MTAP: variants seen among roughly 807,000 people sequenced by gnomAD.
MTAP encodes the protein S-methyl-5'-thioadenosine phosphorylase.
Under a neutral mutation model 33.6 loss-of-function variants are expected in MTAP, and 33 were observed. That is an observed-to-expected ratio of 0.98 (90% CI 0.74 to 1.31). MTAP has a LOEUF of 1.31. MTAP is among the 40% of genes most tolerant of loss of function. MTAP has a pLI of 0.00. For missense variants in MTAP, 367 were observed against 360.0 expected (o/e 1.02, Z -0.16); for synonymous variants, 148 against 125.7 (o/e 1.18, Z -1.19).
chr9:21,898,857 A>T (rs1000007383), intron 1 of MTAP, among the ~76,000 whole-genome samples: 2 of 152,184 alleles, frequency 1.3e-5, no homozygotes, highest in Non-Finnish European at 2.9e-5. Flanking sequence ...TAGAAATACC[A>T]TCTGACCCAG....
chr9:21,861,730 A>G (rs1477626200), intron 7 of MTAP: 4 of 534,518 alleles, frequency 7.5e-6, no homozygotes, highest in South Asian at 2.3e-5. Flanking sequence ...TATCAGAACA[A>G]TGCTCTGAGA....
At position 21,858,424 on chromosome 9, in the gene MTAP, A is replaced by G. The variant is rs111380854; in HGVS notation, c.691-879A>G. On this transcript the variant is annotated intron_variant, in intron 6 of 7. Transcript: ENST00000644715. ...GGTTCTACAGGCTGTACGGGACGTG[A>G]TGCTGGCATCTGCTCAGCTTCTGGG... Among the ~76,000 whole-genome samples, 593 of 152,344 alleles carry G rather than the reference A, an allele frequency of 3.9e-3. 8 individuals are homozygous for G. The highest frequency in any genetic ancestry group is 0.013 in the African/African-American group (543 of 41,560).
chr9:21,895,725 CTG>C (rs1818280995), intron 1 of MTAP, among the ~76,000 whole-genome samples: 1 of 152,212 alleles, frequency 6.6e-6, no homozygotes, highest in Non-Finnish European at 1.5e-5. Flanking sequence ...GCACGGCAGT[CTG>C]AGATGGAACT....
intron 4 of MTAP, among the ~76,000 whole-genome samples, chr9:21,824,089 A>G (rs1031610566): frequency 6.6e-6 from 1 of 152,110 alleles, no homozygotes; most frequent in South Asian, 2.1e-4. Flanking sequence ...GATTGTCTGA[A>G]GCCTTCTCTC....
Position 21,914,996 on chromosome 9 carries a change from T to C in MTAP, c.148-16012T>C, listed in dbSNP as rs992782204. On this transcript the variant is annotated intron_variant, in intron 1 of 1. Transcript: ENST00000577563. ...AGTGTAGCACATATCAATACTTTGT[T>C]TTCTTTCCTTCCTTCCTTCCTTCCT... 7.5e-5 allele frequency among the ~76,000 whole-genome samples: 9 copies of C among 119,966 alleles called. 1 individual carries two copies. The highest frequency in any genetic ancestry group is 3.2e-4 in the African/African-American group (8 of 24,668). The allele number at this position is 119,966 out of a possible 152,430, so 78.7% of individuals were successfully genotyped here.
At chr9:21,879,414 G>A (rs1006297394) in intron 1 of MTAP, among the ~76,000 whole-genome samples, 2 of 151,828 alleles carry the variant, frequency 1.3e-5, no homozygotes, top group African/African-American at 4.8e-5. Context: ...TATATTTTCC[G>A]CCATCCCTTT....
At chr9:21,812,775 T>C (rs1379647069) in intron 1 of MTAP, among the ~76,000 whole-genome samples, 2 of 152,184 alleles carry the variant, frequency 1.3e-5, no homozygotes, top group South Asian at 2.1e-4. Flanking sequence ...ACTTTTCTAA[T>C]AAGGTATAAT....
intron 4 of MTAP, among the ~76,000 whole-genome samples, chr9:21,830,872 C>G (rs1824948348): frequency 1.3e-5 from 2 of 152,210 alleles, no homozygotes; most frequent in African/African-American, 4.8e-5. Context: ...AGGCATGACT[C>G]TTTCCTGCCT....
chr9:21,868,618 G>C (rs538394641), downstream of MTAP, among the ~76,000 whole-genome samples: 23 of 152,160 alleles, frequency 1.5e-4, 1 homozygote, highest in African/African-American at 5.3e-4. Flanking sequence ...ATAAAAATCT[G>C]ATTACGTTTC....
intron 6 of MTAP, chr9:21,856,298 A>C: frequency 2.2e-6 from 1 of 445,652 alleles, no homozygotes; most frequent in Admixed American, 6.4e-5. Flanking sequence ...TAATGTGTAC[A>C]GTGTTTTGGG....
chr9:21,805,809 T>C (rs1824193693), intron 1 of MTAP, among the ~76,000 whole-genome samples: 1 of 152,232 alleles, frequency 6.6e-6, no homozygotes, highest in Non-Finnish European at 1.5e-5. Flanking sequence ...AAATTTCTGC[T>C]GTTTATAAGC....
Position 21,844,073 on chromosome 9 carries a change from A to G in MTAP, c.450+6063A>G, listed in dbSNP as rs1825317212. On this transcript the variant is annotated intron_variant, in intron 5 of 7. Coordinates refer to ENST00000644715, the MANE Select transcript of MTAP (RefSeq NM_002451.4). ...ATTACAACCAATACCACAGAATACA[A>G]AAGACTATTCAAGGCTACTATGAAC... is the stretch of plus-strand genomic sequence containing the variant. Among the ~76,000 whole-genome samples, 4 of 152,212 alleles carry G rather than the reference A, an allele frequency of 2.6e-5. No individual in the cohort carries two copies. The South Asian group carries it at 8.3e-4, about 31-fold the overall frequency.
At position 21,814,312 on chromosome 9, in the gene MTAP, A is replaced by G. The variant is rs569115843; in HGVS notation, c.34-1121A>G. 2.6e-5 allele frequency among the ~76,000 whole-genome samples: 4 copies of G among 152,310 alleles called. No homozygotes were observed. In the South Asian group the frequency reaches 6.2e-4, roughly 24 times the overall value. On this transcript the variant is annotated intron_variant, in intron 1 of 7. Coordinates refer to ENST00000644715, the MANE Select transcript of MTAP (RefSeq NM_002451.4). Reference sequence around the variant, plus strand: ...TGTAACCTGACCTGAAAATTATTTAATGCAGATGTTCACTGAATTCTTAAT... The same window carrying G: ...TGTAACCTGACCTGAAAATTATTTAGTGCAGATGTTCACTGAATTCTTAAT...
chr9:21,835,821 T>G (rs1482771464), intron 4 of MTAP, among the ~76,000 whole-genome samples: 1 of 152,214 alleles, frequency 6.6e-6, no homozygotes, highest in Non-Finnish European at 1.5e-5. Context: ...TATTGCTGTT[T>G]ATAGGAATTT....
intron 1 of MTAP, chr9:21,811,548 T>G (rs79254031): frequency 2.9e-6 from 1 of 350,564 alleles, no homozygotes. Flanking sequence ...GACATGGCTG[T>G]CATAGAACAG....
At chr9:21,811,617 C>G (rs950760158) in intron 1 of MTAP, 6 of 498,622 alleles carry the variant, frequency 1.2e-5, no homozygotes, top group African/African-American at 9.7e-5. Context: ...ACAGAAGGCT[C>G]TAGGCCACCT....
At chr9:21,836,265 A>G (rs1200919336) in intron 4 of MTAP, among the ~76,000 whole-genome samples, 3 of 152,228 alleles carry the variant, frequency 2.0e-5, no homozygotes, top group Admixed American at 2.0e-4. Flanking sequence ...CTTTGTTGAG[A>G]AAGAAAAATG....
chr9:21,913,379 T>C (rs1212629549), intron 1 of MTAP, among the ~76,000 whole-genome samples: 1 of 152,156 alleles, frequency 6.6e-6, no homozygotes, highest in Non-Finnish European at 1.5e-5. Context: ...CTTCAAACTA[T>C]ATTACAAGGC....
intron 1 of MTAP, among the ~76,000 whole-genome samples, chr9:21,877,353 T>G (rs1335388047): frequency 6.6e-6 from 1 of 152,168 alleles, no homozygotes; most frequent in East Asian, 1.9e-4. Context: ...CTCTATTTCT[T>G]GCTCTTGCCT....
Sources: gnomAD v4.1 joint callset for allele counts (sites outside exome capture counted in the v4.1 genomes callset) on GRCh38, gnomAD v4.1.1 for gene constraint, MANE v1.5 for transcripts, NCBI Gene and HGNC (gene_info 2026-07-23, HGNC 2026-07-21) for gene names.